Variants in COL4A2 observed in about 807,000 individuals in gnomAD.
COL4A2 encodes the protein collagen type IV alpha 2 chain.
Under a neutral mutation model 200.2 loss-of-function variants are expected in COL4A2, and 99 were observed. The observed-to-expected ratio is 0.49, with a 90% confidence interval of 0.42 to 0.58. The LOEUF (loss-of-function observed/expected upper bound fraction) is 0.58. COL4A2 is among the 20% of genes least tolerant of loss of function. The probability of loss-of-function intolerance (pLI) is 0.00; values close to 1 mark genes in which losing one functional copy is unlikely to be tolerated. For missense variants in COL4A2, 1,950 were observed against 2,314.1 expected (o/e 0.84, Z 3.23); for synonymous variants, 897 against 900.6 (o/e 1.00, Z 0.07).
intron 40 of COL4A2, among the ~76,000 whole-genome samples, chr13:110,500,243 A>G (rs1758559275): frequency 6.6e-6 from 1 of 152,214 alleles, no homozygotes; most frequent in Non-Finnish European, 1.5e-5. Context: ...TCATTTTTAT[A>G]GATTTGCACT....
chr13:110,341,052 G>A (rs1341778596), intron 3 of COL4A2: 1 of 152,414 alleles, frequency 6.6e-6, no homozygotes, highest in Non-Finnish European at 1.5e-5. Flanking sequence ...CCCCAGGGGT[G>A]GGGAGGGGTG....
intron 45 of COL4A2, 114 bp from the exon 46 acceptor site, chr13:110,506,301 C>G: frequency 8.9e-7 from 1 of 1,124,594 alleles, no homozygotes; most frequent in Non-Finnish European, 1.2e-6. Context: ...TGCACCAGGC[C>G]GTCCACTCTC....
intron 24 of COL4A2, among the ~76,000 whole-genome samples, chr13:110,463,733 T>C (rs1217190962): frequency 6.6e-6 from 1 of 152,110 alleles, no homozygotes; most frequent in African/African-American, 2.4e-5. Context: ...ATGAGATCTC[T>C]CTATGTTGCC....
intron 28 of COL4A2, 76 bp from the exon 29 acceptor site, chr13:110,472,853 A>C: frequency 7.0e-7 from 1 of 1,432,768 alleles, no homozygotes; most frequent in Non-Finnish European, 9.6e-7. Context: ...TGCTGTTTCC[A>C]GCCTCTTTTT....
At chr13:110,443,189 G>A (rs1881198061) in intron 16 of COL4A2, among the ~76,000 whole-genome samples, 1 of 152,174 alleles carries the variant, frequency 6.6e-6, no homozygotes, top group Admixed American at 6.5e-5. Context: ...TCATTTGCAG[G>A]CTGGCAGGGT....
chr13:110,455,069 G>C (rs1196121059), intron 20 of COL4A2, among the ~76,000 whole-genome samples: 1 of 152,080 alleles, frequency 6.6e-6, no homozygotes, highest in Non-Finnish European at 1.5e-5. Flanking sequence ...TGCTGTGTGT[G>C]CCCTTGCTAT....
At chr13:110,482,722 G>C in intron 32 of COL4A2, 63 bp downstream of exon 32, 1 of 1,545,632 alleles carries the variant, frequency 6.5e-7, no homozygotes, top group Non-Finnish European at 8.8e-7. Flanking sequence ...ACCCTTTCTT[G>C]GTGGCATAAC....
intron 39 of COL4A2, 31 bp from the exon 40 acceptor site, chr13:110,495,311 G>A (rs752541402): frequency 1.2e-4 from 198 of 1,613,646 alleles, no homozygotes; most frequent in East Asian, 9.4e-4. Context: ...TGGAAACACC[G>A]ACATCAGCTG....
intron 24 of COL4A2, among the ~76,000 whole-genome samples, chr13:110,464,668 A>G (rs1417636243): frequency 1.3e-5 from 2 of 152,184 alleles, no homozygotes; most frequent in South Asian, 2.1e-4. Flanking sequence ...TTGATTTCTT[A>G]TAAGCAGCTG....
chr13:110,450,460 T>C lies in COL4A2; in HGVS notation c.1339+6T>C. The C allele has an allele frequency of 1.9e-6, 3 of 1,612,592 alleles. No individual in the cohort carries two copies. The highest frequency in any genetic ancestry group is 1.1e-5 in the South Asian group (1 of 91,026). On this transcript the variant is annotated splice_donor_region_variant and intron_variant, in intron 20 of 47. Coordinates refer to ENST00000360467, the MANE Select transcript of COL4A2 (RefSeq NM_001846.4). Reference sequence around the variant, plus strand: ...TGGACCACCTGGACCTGATGGTGAGTGGAGGGAAACAAAAGGGAGGGTGTA... The same window carrying C: ...TGGACCACCTGGACCTGATGGTGAGCGGAGGGAAACAAAAGGGAGGGTGTA...
At chr13:110,511,421 C>G (rs550793859) in intron 47 of COL4A2, among the ~76,000 whole-genome samples, 1 of 152,166 alleles carries the variant, frequency 6.6e-6, no homozygotes, top group African/African-American at 2.4e-5. Flanking sequence ...CCTCCCTGAT[C>G]ATCAGCATTT....
chr13:110,506,440 G>A lies in COL4A2; in HGVS notation c.4428G>A (p.Pro1476=), dbSNP rs371857202. The change falls in exon 46 of 48, where the codon CCG becomes CCA. Residue 1476 remains proline, a synonymous_variant. Coordinates refer to ENST00000360467, the MANE Select transcript of COL4A2 (RefSeq NM_001846.4). The part of the protein sequence containing the change: ...QEGAPGRPGS[P]GLPGMPGRSV... ...GTGCACCAGGCCGTCCAGGGAGCCC[G>A]GGCCTGCCGGGTATGCCAGGCCGCA... 732 of 1,611,924 alleles carry A rather than the reference G, an allele frequency of 4.5e-4. No individual in the cohort carries two copies. The highest frequency in any genetic ancestry group is 4.6e-4 in the Non-Finnish European group (545 of 1,179,464).
chr13:110,363,479 G>C (rs1231616247), intron 4 of COL4A2, among the ~76,000 whole-genome samples: 1 of 152,168 alleles, frequency 6.6e-6, no homozygotes, highest in Non-Finnish European at 1.5e-5. Flanking sequence ...AGCAAAAATA[G>C]CTGCCAAGAG....
At chr13:110,482,427 A>G (rs554545563) in intron 31 of COL4A2, 89 bp from the exon 32 acceptor site, 3 of 1,416,316 alleles carry the variant, frequency 2.1e-6, no homozygotes, top group Admixed American at 1.9e-5. Flanking sequence ...CTTGAGTTAC[A>G]TTGCCGAAAT....
intron 28 of COL4A2, among the ~76,000 whole-genome samples, chr13:110,472,406 A>C (rs1334834742): frequency 1.3e-5 from 2 of 152,032 alleles, no homozygotes; most frequent in African/African-American, 2.4e-5. Context: ...GATGATTTTC[A>C]TGGTCAATAC....
rs2296853 is a variant in COL4A2 at position 110,484,893 on chromosome 13, A to G, written c.2903-12A>G. On this transcript the variant is annotated splice_polypyrimidine_tract_variant and intron_variant, in intron 32 of 47. Transcript: ENST00000360467. ...AGCCCCCAGAAAATGACAGCACTCT[A>G]TTCCCTTCCAGGCAGCCGAGGGGAC... 257,874 of 1,601,718 alleles carry G rather than the reference A, an allele frequency of 0.16. 22,290 individuals carry two copies. Among genetic ancestry groups the G allele is most frequent in the Admixed American group, 0.23 (13,431 of 58,472 alleles).
chr13:110,419,223 AAGG>A (rs747623156), intron 4 of COL4A2, among the ~76,000 whole-genome samples: 4 of 152,222 alleles, frequency 2.6e-5, no homozygotes, highest in Non-Finnish European at 5.9e-5. Flanking sequence ...TCCGCTTAGG[AAGG>A]AGAAGGGATT....
At chr13:110,445,126 C>T (rs1055347645) in intron 16 of COL4A2, among the ~76,000 whole-genome samples, 1 of 152,180 alleles carries the variant, frequency 6.6e-6, no homozygotes, top group African/African-American at 2.4e-5. Flanking sequence ...GCTGGGATTA[C>T]AGGCATGAGC....
At chr13:110,360,081 A>G (rs981739950) in intron 4 of COL4A2, among the ~76,000 whole-genome samples, 37 of 152,226 alleles carry the variant, frequency 2.4e-4, no homozygotes, top group African/African-American at 7.7e-4. Context: ...GATTTTCCCA[A>G]CGACACTTCT....
Sources: allele counts gnomAD v4.1 joint callset (sites outside exome capture counted in the v4.1 genomes callset), GRCh38; gene constraint gnomAD v4.1.1; transcripts MANE v1.5; gene names NCBI Gene and HGNC (gene_info 2026-07-23, HGNC 2026-07-21).